The following CTNNA2 variants were observed in gnomAD, a reference collection of about 807,000 sequenced individuals.
The protein encoded by CTNNA2 is catenin alpha-2.
A neutral mutation model predicts 101.0 loss-of-function variants in CTNNA2; 42 were observed. The observed-to-expected ratio is 0.42, with a 90% CI of 0.32 to 0.54. The LOEUF (loss-of-function observed/expected upper bound fraction) is 0.54. Among genes scored for constraint, CTNNA2 ranks in the 20% least tolerant of loss-of-function variants. CTNNA2 has a pLI of 0.14. For missense variants in CTNNA2, 871 were observed against 1,223.1 expected (o/e 0.71, Z 4.29); for synonymous variants, 450 against 456.4 (o/e 0.99, Z 0.18).
At chr2:79,708,751 T>G (rs1388725679) in intron 2 of CTNNA2, among the ~76,000 whole-genome samples, 1 of 152,168 alleles carries the variant, frequency 6.6e-6, no homozygotes, top group African/African-American at 2.4e-5. Flanking sequence ...ACCTGTCTTT[T>G]TAATGACAAT....
chr2:79,263,192 T>C, intron 2 of CTNNA2, among the ~76,000 whole-genome samples: 1 of 152,160 alleles, frequency 6.6e-6, no homozygotes, highest in East Asian at 1.9e-4. Flanking sequence ...AGATATTTTG[T>C]CTCTTCCAAA....
At position 80,647,964 on chromosome 2, in the gene CTNNA2, T is replaced by A; in HGVS notation, c.*92T>A. On this transcript the variant is annotated 3_prime_UTR_variant, in exon 19 of 19. Transcript: ENST00000402739. ...TTTTGTATGCATACCTGCCAGCTCG[T>A]ATGCCTCTGGCATGGGGAAATTAAG... 8.0e-7 allele frequency: 1 copy of A among 1,249,290 alleles called. No homozygotes were observed. The allele number at this position is 1,249,290 out of a possible 1,614,324, so 77.4% of individuals were successfully genotyped here.
chr2:80,035,818 A>G (rs1695609992), intron 7 of CTNNA2, among the ~76,000 whole-genome samples: 1 of 152,246 alleles, frequency 6.6e-6, no homozygotes, highest in Non-Finnish European at 1.5e-5. Context: ...GGAAGACACC[A>G]AAACAACATC....
chr2:79,601,023 C>A (rs572199541), intron 1 of CTNNA2, among the ~76,000 whole-genome samples: 3 of 152,136 alleles, frequency 2.0e-5, no homozygotes, highest in Non-Finnish European at 4.4e-5. Flanking sequence ...ACATTCAATT[C>A]GTAACAGTGT....
At chr2:79,321,655 C>T (rs774195683) in intron 3 of CTNNA2, among the ~76,000 whole-genome samples, 6 of 152,100 alleles carry the variant, frequency 3.9e-5, no homozygotes, top group Non-Finnish European at 8.8e-5. Context: ...ATTTTATGAT[C>T]TTAGTGTTAC....
chr2:79,669,189 G>A lies in CTNNA2; in HGVS notation c.102+17531G>A, dbSNP rs185245193. On this transcript the variant is annotated intron_variant, in intron 2 of 18. Coordinates refer to ENST00000402739, the MANE Select transcript of CTNNA2 (RefSeq NM_001282597.3). ...TAAGGGCCATGAAACCGGTATGATA[G>A]TAATTCTTAAGATTTTTAAATGAAG... 4.4e-4 allele frequency among the ~76,000 whole-genome samples: 67 copies of A among 152,220 alleles called. 2 individuals carry two copies. In the East Asian group the frequency reaches 0.012, roughly 28 times the overall value.
chr2:80,247,737 T>A (rs1448197111), intron 7 of CTNNA2, among the ~76,000 whole-genome samples: 2 of 152,136 alleles, frequency 1.3e-5, no homozygotes, highest in Non-Finnish European at 2.9e-5. Context: ...CTGAATGAAT[T>A]TTTTTTTGGC....
intron 11 of CTNNA2, among the ~76,000 whole-genome samples, chr2:80,546,790 A>G (rs199575769): frequency 1.3e-5 from 2 of 152,162 alleles, no homozygotes; most frequent in East Asian, 3.9e-4. Context: ...AATGCTTTTG[A>G]CCTAACTTAT....
chr2:79,367,964 A>G (rs1369521945), intron 3 of CTNNA2, among the ~76,000 whole-genome samples: 1 of 152,188 alleles, frequency 6.6e-6, no homozygotes, highest in African/African-American at 2.4e-5. Context: ...GAGGTGTGGT[A>G]AAGATGAAAT....
chr2:79,620,062 C>G (rs1678896716), intron 1 of CTNNA2, among the ~76,000 whole-genome samples: 1 of 152,190 alleles, frequency 6.6e-6, no homozygotes, highest in Non-Finnish European at 1.5e-5. Context: ...AGGTCTTTAT[C>G]ATGGTCTGAG....
chr2:80,542,273 G>GT (rs1329076106), intron 9 of CTNNA2, among the ~76,000 whole-genome samples: 4 of 151,784 alleles, frequency 2.6e-5, no homozygotes, highest in South Asian at 4.2e-4. Context: ...ATTATAGTTT[G>GT]TTTTTTCTAT....
chr2:79,299,554 A>T (rs1339760236), intron 2 of CTNNA2, among the ~76,000 whole-genome samples: 1 of 152,214 alleles, frequency 6.6e-6, no homozygotes, highest in Non-Finnish European at 1.5e-5. Flanking sequence ...AGAAATTAAA[A>T]ATCCCAAACT....
chr2:79,459,088 A>G (rs1275907209), intron 4 of CTNNA2, among the ~76,000 whole-genome samples: 1 of 152,212 alleles, frequency 6.6e-6, no homozygotes, highest in Non-Finnish European at 1.5e-5. Flanking sequence ...CATATGAAGT[A>G]CATTCAAGAT....
intron 2 of CTNNA2, among the ~76,000 whole-genome samples, chr2:79,667,932 C>T (rs1363500174): frequency 6.6e-6 from 1 of 152,144 alleles, no homozygotes; most frequent in Non-Finnish European, 1.5e-5. Flanking sequence ...CCTATACCAA[C>T]TGAAATTCAT....
chr2:79,331,372 C>T (rs1048084149), intron 3 of CTNNA2, among the ~76,000 whole-genome samples: 2 of 152,162 alleles, frequency 1.3e-5, no homozygotes, highest in South Asian at 2.1e-4. Context: ...CAACTTAGGT[C>T]CTGGTCCCCT....
intron 7 of CTNNA2, among the ~76,000 whole-genome samples, chr2:80,065,117 G>A (rs1398377732): frequency 6.6e-6 from 1 of 152,104 alleles, no homozygotes; most frequent in African/African-American, 2.4e-5. Context: ...TGGCCAGTAT[G>A]ATGGGAATTG....
At chr2:80,513,712 C>G (rs76430560) in intron 9 of CTNNA2, among the ~76,000 whole-genome samples, 1 of 152,086 alleles carries the variant, frequency 6.6e-6, no homozygotes, top group East Asian at 1.9e-4. Context: ...ATTTATCTTC[C>G]CAAATTGTTA....
At chr2:80,243,041 A>G (rs1384228014) in intron 7 of CTNNA2, among the ~76,000 whole-genome samples, 2 of 152,224 alleles carry the variant, frequency 1.3e-5, no homozygotes, top group African/African-American at 2.4e-5. Flanking sequence ...GGGTGACTCC[A>G]CAAGTATCGG....
At chr2:80,525,357 G>A (rs1689944903) in intron 9 of CTNNA2, among the ~76,000 whole-genome samples, 1 of 151,960 alleles carries the variant, frequency 6.6e-6, no homozygotes. Flanking sequence ...AGTCTTTGGG[G>A]CCTCTTTCAA....
Sources: allele counts gnomAD v4.1 joint callset (sites outside exome capture counted in the v4.1 genomes callset), GRCh38; gene constraint gnomAD v4.1.1; transcripts MANE v1.5; gene names NCBI Gene and HGNC (gene_info 2026-07-23, HGNC 2026-07-21).